The following DEFB114 variants were observed in gnomAD, a reference collection of about 807,000 sequenced individuals.
DEFB114 encodes beta-defensin 114.
DEFB114 carries 4 observed loss-of-function variants against 2.4 expected under a neutral mutation model. The ratio of observed to expected loss-of-function variants is 1.67; its 90% CI spans 0.82 to 3.82. DEFB114 has a LOEUF of 3.82. Among genes scored for constraint, DEFB114 ranks in the 30% most tolerant of loss-of-function variants. DEFB114 has a pLI of 0.01. For synonymous variants in DEFB114, 35 were observed against 24.6 expected, an observed-to-expected ratio of 1.42 and a Z score of -1.26; for missense variants, 113 against 85.8, an observed-to-expected ratio of 1.32 and a Z score of -1.25.
At chr6:49,963,951 A>G (rs1308234677) in intron 1 of DEFB114, 100 bp downstream of exon 1, 17 of 848,176 alleles carry the variant, frequency 2.0e-5, no homozygotes, top group Non-Finnish European at 2.8e-5. Flanking sequence ...TATTTAATTG[A>G]TAAGATTGCA....
intron 1 of DEFB114, 86 bp downstream of exon 1, chr6:49,963,965 A>G: frequency 2.9e-6 from 3 of 1,022,568 alleles, no homozygotes; most frequent in Non-Finnish European, 1.4e-6. Flanking sequence ...GATTGCATTA[A>G]AAATTTGCAT....
rs1401015653 is a variant in DEFB114 at position 49,960,333 on chromosome 6, A to G, written c.169T>C (p.Cys57Arg). ...TCTTCATACAATTTCTCAGTGCAGC[A>G]AATTTTTCTTGGTAAGGAACATATG... ...IDICSLPRKI[C>R]CTEKLYEEDD... Residue 57 changes from cysteine to arginine, a missense_variant, in exon 2 of 2, where the codon TGC (cysteine) becomes CGC (arginine). Cys to Arg is a radical substitution (Grantham distance 180). Transcript: ENST00000322066. 1 of 1,607,054 alleles carries G rather than the reference A, an allele frequency of 6.2e-7. No homozygotes were observed. The highest frequency in any genetic ancestry group is 8.5e-7 in the Non-Finnish European group (1 of 1,176,032).
chr6:49,960,561 AAT>A, intron 1 of DEFB114, 115 bp from the exon 2 acceptor site: 1 of 1,134,468 alleles, frequency 8.8e-7, no homozygotes, highest in Non-Finnish European at 1.2e-6. Flanking sequence ...ACCAAAAAAA[AAT>A]AAATCCATGT....
rs78871188 is a variant in DEFB114 at position 49,962,076 on chromosome 6, C to A, written c.56-1630G>T. On this transcript the variant is annotated intron_variant, in intron 1 of 1. Coordinates refer to ENST00000322066, the MANE Select transcript of DEFB114 (RefSeq NM_001037499.2). ...ATACTTTTGTACTTGACTCTTGGGG[C>A]ACATGCTCAGGCATTTTTGTTGGGC... 9.4e-3 allele frequency among the ~76,000 whole-genome samples: 1,412 copies of A among 150,454 alleles called. 25 individuals carry two copies. Among genetic ancestry groups the A allele is most frequent in the African/African-American group, 0.033 (1,347 of 41,302 alleles).
intron 1 of DEFB114, among the ~76,000 whole-genome samples, chr6:49,960,693 C>A (rs1773443832): frequency 6.6e-6 from 1 of 150,558 alleles, no homozygotes; most frequent in Non-Finnish European, 1.5e-5. Flanking sequence ...TTAAAAACTT[C>A]ATGACACATA....
intron 1 of DEFB114, among the ~76,000 whole-genome samples, 166 bp from the exon 2 acceptor site, chr6:49,960,612 C>T (rs1773442514): frequency 6.7e-6 from 1 of 149,986 alleles, no homozygotes; most frequent in African/African-American, 2.4e-5. Context: ...ATCTTATACC[C>T]CAAATATATA....
chr6:49,961,017 T>C (rs1773450467), intron 1 of DEFB114, among the ~76,000 whole-genome samples: 1 of 150,762 alleles, frequency 6.6e-6, no homozygotes, highest in East Asian at 1.9e-4. Context: ...TTGTTGATTA[T>C]ATAACTGGAA....
chr6:49,962,138 A>G (rs76093520), intron 1 of DEFB114, among the ~76,000 whole-genome samples: 3,150 of 150,656 alleles, frequency 0.021, 121 homozygotes, highest in African/African-American at 0.071. Flanking sequence ...TAAGGTGTCT[A>G]CATAGCTTCA....
In DEFB114 at chr6:49,964,052, T is replaced by C; in HGVS notation, c.54A>G (p.Pro18=). The part of the protein sequence containing the change: ...HFLCYVTFIL[P]ATCTLVNADR... ...ATATAACAGAGACATCTATCTTACC[T>C]GGTAGAATGAAGGTCACATAACACA... Residue 18 remains proline (P), a splice_region_variant and synonymous_variant, in exon 1 of 2, where the codon CCA becomes CCG. Coordinates refer to ENST00000322066, the MANE Select transcript of DEFB114 (RefSeq NM_001037499.2). 1 of 1,577,524 alleles carries C rather than the reference T, an allele frequency of 6.3e-7. No homozygotes were observed. The highest frequency in any genetic ancestry group is 1.7e-5 in the Admixed American group (1 of 57,404).
chr6:49,963,979 A>G, intron 1 of DEFB114, 72 bp downstream of exon 1: 1 of 1,183,428 alleles, frequency 8.5e-7, no homozygotes, highest in Non-Finnish European at 1.2e-6. Context: ...TTTGCATTCT[A>G]CAATTAATAA....
chr6:49,963,013 T>C (rs1279896922), intron 1 of DEFB114, among the ~76,000 whole-genome samples: 1 of 150,338 alleles, frequency 6.7e-6, no homozygotes, highest in East Asian at 1.9e-4. Context: ...GAATCCATAA[T>C]AATTAAGCTT....
At chr6:49,961,943 A>G (rs1246351262) in intron 1 of DEFB114, among the ~76,000 whole-genome samples, 1 of 150,812 alleles carries the variant, frequency 6.6e-6, no homozygotes, top group Non-Finnish European at 1.5e-5. Context: ...CTTGTTTTGT[A>G]TAACTATAAT....
intron 1 of DEFB114, among the ~76,000 whole-genome samples, chr6:49,963,262 T>A (rs1538193): frequency 0.58 from 86,769 of 149,836 alleles, 25,947 homozygotes; most frequent in African/African-American, 0.73. Flanking sequence ...TCCCATGATC[T>A]TTTTGATATC....
chr6:49,963,386 C>T (rs768746946), intron 1 of DEFB114, among the ~76,000 whole-genome samples: 2 of 149,892 alleles, frequency 1.3e-5, no homozygotes, highest in Non-Finnish European at 3.0e-5. Context: ...CAAAATGTGG[C>T]CTTCTTTATT....
Position 49,960,428 on chromosome 6 carries a change from T to C in DEFB114, c.74A>G (p.Asn25Ser), listed in dbSNP as rs1773439017. Residue 25 changes from asparagine (N) to serine (S), a missense_variant, in exon 2 of 2, where the codon AAT (asparagine) becomes AGT (serine). Asn to Ser is a conservative substitution (Grantham distance 46). Coordinates refer to ENST00000322066, the MANE Select transcript of DEFB114 (RefSeq NM_001037499.2). ...FILPATCTLV[N>S]ADRCTKRYGR... is the part of the protein sequence containing the mutation. Reference sequence around the variant, plus strand: ...GTAACGTTTGGTGCAACGATCAGCATTCACCAAGGTACATGTGGCTACGGT... The same window carrying C: ...GTAACGTTTGGTGCAACGATCAGCACTCACCAAGGTACATGTGGCTACGGT... 3.7e-6 allele frequency: 6 copies of C among 1,601,438 alleles called. No individual in the cohort carries two copies. The highest frequency in any genetic ancestry group is 1.4e-5 in the African/African-American group (1 of 73,660).
Position 49,960,282 on chromosome 6 carries a change from G to A in DEFB114, c.*10C>T, listed in dbSNP as rs371719992. ...ATGTAACTTCTTTGTTCAGAGGTATGCCTTTCTTTTCAAAACATATCATCT... is the reference window on the plus strand; with the variant it reads ...ATGTAACTTCTTTGTTCAGAGGTATACCTTTCTTTTCAAAACATATCATCT... On this transcript the variant is annotated 3_prime_UTR_variant, in exon 2 of 2. Coordinates refer to ENST00000322066, the MANE Select transcript of DEFB114 (RefSeq NM_001037499.2). 1.0e-4 allele frequency: 160 copies of A among 1,596,668 alleles called. No individual in the cohort carries two copies. In the African/African-American group the frequency reaches 2.0e-3, roughly 20 times the overall value.
intron 1 of DEFB114, among the ~76,000 whole-genome samples, chr6:49,961,873 A>C (rs932374199): frequency 1.7e-4 from 25 of 150,836 alleles, no homozygotes; most frequent in African/African-American, 6.1e-4. Flanking sequence ...GCAACAGTAC[A>C]GCACATATAT....
chr6:49,960,877 A>G (rs1185968564), intron 1 of DEFB114, among the ~76,000 whole-genome samples: 1 of 150,858 alleles, frequency 6.6e-6, no homozygotes, highest in Non-Finnish European at 1.5e-5. Flanking sequence ...TAGTTGTAAA[A>G]AAGTTTAATT....
chr6:49,961,503 T>C (rs1459749981), intron 1 of DEFB114, among the ~76,000 whole-genome samples: 2 of 150,848 alleles, frequency 1.3e-5, no homozygotes, highest in Non-Finnish European at 3.0e-5. Flanking sequence ...TCTAGATCTC[T>C]TTCAGCTATC....
Sources: allele counts gnomAD v4.1 joint callset (sites outside exome capture counted in the v4.1 genomes callset), GRCh38; gene constraint gnomAD v4.1.1; transcripts MANE v1.5; gene names NCBI Gene and HGNC (gene_info 2026-07-23, HGNC 2026-07-21).